The following AKR1B1 variants were observed in gnomAD, a reference collection of about 807,000 sequenced individuals.
AKR1B1 encodes aldo-keto reductase family 1 member B, also known as aldo-keto reductase family 1 member B1.
Under a neutral mutation model 40.4 loss-of-function variants are expected in AKR1B1, and 22 were observed. The observed-to-expected ratio is 0.54, with a 90% CI of 0.39 to 0.78. The LOEUF (loss-of-function observed/expected upper bound fraction) is 0.78. AKR1B1 is among the 30% of genes least tolerant of loss of function. The pLI is 0.00. For missense variants in AKR1B1, 357 were observed against 396.7 expected (o/e 0.90, Z 0.85); for synonymous variants, 157 against 149.9 (o/e 1.05, Z -0.35).
intron 7 of AKR1B1, 84 bp downstream of exon 7, chr7:134,447,896 T>A: frequency 8.4e-7 from 1 of 1,194,590 alleles, no homozygotes; most frequent in Non-Finnish European, 1.2e-6. Flanking sequence ...TGTAACAGGC[T>A]CAGTCACTTC....
At chr7:134,447,535 G>C (rs970869279) in intron 7 of AKR1B1, 154 bp from the exon 8 acceptor site, 1 of 717,918 alleles carries the variant, frequency 1.4e-6, no homozygotes, top group East Asian at 2.7e-5. Flanking sequence ...GCTAGCAACA[G>C]GTAGGCGACG....
chr7:134,454,175 T>C (rs571445003), intron 1 of AKR1B1, among the ~76,000 whole-genome samples: 1 of 152,354 alleles, frequency 6.6e-6, no homozygotes, highest in Non-Finnish European at 1.5e-5. Context: ...CACTAATCTG[T>C]GTGCCCTTGA....
chr7:134,458,996 C>T lies in AKR1B1; in HGVS notation c.66+1G>A. On this transcript the variant is annotated splice_donor_variant, in intron 1 of 9. Transcript: ENST00000285930. LOFTEE classifies it high-confidence loss of function. The stretch of plus-strand genomic sequence containing the variant: ...GGGCCCGCGCCCCCACGAGCACCTA[C>T]CTTCCAGGTACCCAACCCCAGGATG... 1 of 1,607,040 alleles carries T rather than the reference C, an allele frequency of 6.2e-7. No individual in the cohort carries two copies. Among genetic ancestry groups the T allele is most frequent in the Non-Finnish European group, 8.5e-7 (1 of 1,177,368 alleles).
At position 134,459,085 on chromosome 7, in the gene AKR1B1, C is replaced by T. The variant is rs780797539; in HGVS notation, c.-23G>A. On this transcript the variant is annotated 5_prime_UTR_variant, in exon 1 of 10. Coordinates refer to ENST00000285930, the MANE Select transcript of AKR1B1 (RefSeq NM_001628.4). ...CATGGCTGCTGCGCTCCCCAGACCC[C>T]CGCCCAGTACGGTGCGGCCTTGGCC... is the stretch of plus-strand genomic sequence containing the variant. The T allele has an allele frequency of 2.6e-5, 42 of 1,594,328 alleles. No individual in the cohort carries two copies. Among genetic ancestry groups the T allele is most frequent in the Non-Finnish European group, 3.5e-5 (41 of 1,171,380 alleles).
In AKR1B1 at chr7:134,447,855, TGAG is replaced by T. The variant is rs1460826712; in HGVS notation, c.741+122_741+124del. On this transcript the variant is annotated intron_variant, in intron 7 of 9. Transcript: ENST00000285930. ...ATCTGTGCCCTTTCCACTCTGTACTTGAGGACCCCTAACCATACTTCCTGTGAG... is the reference window on the plus strand; with the variant it reads ...ATCTGTGCCCTTTCCACTCTGTACTTGACCCCTAACCATACTTCCTGTGAG... 4.7e-6 allele frequency: 4 copies of T among 852,842 alleles called. No homozygotes were observed. The East Asian group carries it at 1.1e-4, about 23-fold the overall frequency. The allele number at this position is 852,842 out of a possible 1,614,324, so 52.8% of individuals were successfully genotyped here.
chr7:134,444,662 G>C (rs1332876254), intron 9 of AKR1B1: 1 of 161,578 alleles, frequency 6.2e-6, no homozygotes, highest in African/African-American at 2.4e-5. Context: ...GGTAGGAAAA[G>C]AGAAAACCCC....
rs200955767 is a variant in AKR1B1 at position 134,450,814 on chromosome 7, T to C, written c.323A>G (p.Tyr108Cys). 1.2e-6 allele frequency: 2 copies of C among 1,614,074 alleles called. No individual in the cohort carries two copies. Among genetic ancestry groups the C allele is most frequent in the Admixed American group, 1.7e-5 (1 of 60,010 alleles). The change falls in exon 3 of 10, where the codon TAC becomes TGC. Residue 108 changes from tyrosine to cysteine, a missense_variant. By Grantham distance (194) the Tyr-to-Cys change is radical (BLOSUM62 -2). Coordinates refer to ENST00000285930, the MANE Select transcript of AKR1B1 (RefSeq NM_001628.4). ...SDLKLDYLDL[Y>C]LIHWPTGFKP... ...AAAGCCAGTCGGCCAGTGAATAAGG[T>C]AGAGGTCCAGGTAGTCCAGCTTCAG...
Position 134,451,580 on chromosome 7 carries a change from C to T in AKR1B1, c.234+6G>A, listed in dbSNP as rs757943324. On this transcript the variant is annotated splice_donor_region_variant and intron_variant, in intron 2 of 9. Coordinates refer to ENST00000285930, the MANE Select transcript of AKR1B1 (RefSeq NM_001628.4). ...AGCCCCTTCCAGCCCCACCGCGGAA[C>T]GATACCTTGCTGACGATGAAGAGCT... The T allele has an allele frequency of 1.8e-5, 29 of 1,613,634 alleles. No homozygotes were observed. Among genetic ancestry groups the T allele is most frequent in the African/African-American group, 2.7e-5 (2 of 74,908 alleles).
chr7:134,449,703 A>G lies in AKR1B1; in HGVS notation c.429+17T>C. 6.2e-7 allele frequency: 1 copy of G among 1,610,288 alleles called. No individual in the cohort carries two copies. The highest frequency in any genetic ancestry group is 8.5e-7 in the Non-Finnish European group (1 of 1,176,418). On this transcript the variant is annotated intron_variant, in intron 4 of 9. Transcript: ENST00000285930. Reference sequence around the variant, plus strand: ...GAACCAGTCACGAAAACAAGGTCCAACCAGGGGCTGTCTTACCGCCCACGT... The same window carrying G: ...GAACCAGTCACGAAAACAAGGTCCAGCCAGGGGCTGTCTTACCGCCCACGT...
At chr7:134,458,922 C>G in intron 1 of AKR1B1, 75 bp downstream of exon 1, 1 of 1,500,410 alleles carries the variant, frequency 6.7e-7, no homozygotes, top group Non-Finnish European at 9.1e-7. Flanking sequence ...CAGGGTCACT[C>G]GGGGTCCCTC....
At chr7:134,442,941 A>C (rs1805983264) in intron 9 of AKR1B1, among the ~76,000 whole-genome samples, 171 bp from the exon 10 acceptor site, 1 of 152,004 alleles carries the variant, frequency 6.6e-6, no homozygotes, top group Non-Finnish European at 1.5e-5. Context: ...GAAGCAACTC[A>C]CCCTCCAGAC....
chr7:134,451,988 G>A (rs890755262), intron 1 of AKR1B1, among the ~76,000 whole-genome samples: 16 of 152,216 alleles, frequency 1.1e-4, no homozygotes, highest in Non-Finnish European at 1.8e-4. Context: ...AAGTGTAGGT[G>A]AGATCACTTT....
Position 134,449,519 on chromosome 7 carries a change from G to A in AKR1B1, c.429+201C>T, listed in dbSNP as rs180712582. ...GGAGAATGGCGTGAACCCAGGAGGT[G>A]GAGCTTGCAGTGAGCCGAGATTGTG... On this transcript the variant is annotated intron_variant, in intron 4 of 9. Transcript: ENST00000285930. 1.7e-3 allele frequency: 1,004 copies of A among 608,462 alleles called. 7 individuals carry two copies. Among genetic ancestry groups the A allele is most frequent in the African/African-American group, 0.016 (884 of 53,984 alleles). 37.7% of individuals were successfully genotyped at this position (608,462 alleles called of 1,614,324 possible). A position where few individuals can be genotyped will look rare whatever the true frequency, so the allele number is the denominator to read the frequency against.
intron 7 of AKR1B1, 56 bp from the exon 8 acceptor site, chr7:134,447,437 ATC>A: frequency 6.9e-7 from 1 of 1,448,748 alleles, no homozygotes; most frequent in Non-Finnish European, 9.7e-7. Flanking sequence ...CGCACCCATC[ATC>A]TCAGTCTCTC....
At chr7:134,458,930 C>T in intron 1 of AKR1B1, 67 bp downstream of exon 1, 2 of 1,535,456 alleles carry the variant, frequency 1.3e-6, no homozygotes, top group South Asian at 1.2e-5. Flanking sequence ...CTCGGGGTCC[C>T]TCGCCAATAC....
intron 8 of AKR1B1, among the ~76,000 whole-genome samples, chr7:134,445,687 G>A (rs1283384951): frequency 6.6e-6 from 1 of 152,198 alleles, no homozygotes. Context: ...TTCTACAACT[G>A]TAATACAAAT....
In AKR1B1 at chr7:134,445,247, G is replaced by C. The variant is rs755184764; in HGVS notation, c.899C>G (p.Ala300Gly). Residue 300 changes from alanine to glycine, a missense_variant, in exon 9 of 10, where the codon GCC (alanine) becomes GGC (glycine). Coordinates refer to ENST00000285930, the MANE Select transcript of AKR1B1 (RefSeq NM_001628.4). ...ACTGGGGCTCACTCACCTCAACAAG[G>C]CACAGACCCTCCAGTTCCTGTTGTA... The part of the protein sequence containing the change: ...LSYNRNWRVC[A>G]LLSCTSHKDY... 1 of 1,611,374 alleles carries C rather than the reference G, an allele frequency of 6.2e-7. No homozygotes were observed. Among genetic ancestry groups the C allele is most frequent in the South Asian group, 1.1e-5 (1 of 90,432 alleles).
intron 1 of AKR1B1, among the ~76,000 whole-genome samples, chr7:134,452,517 C>T (rs531839800): frequency 3.9e-5 from 6 of 152,214 alleles, no homozygotes; most frequent in African/African-American, 1.4e-4. Context: ...ACCTGACCAT[C>T]TGAGTAACCA....
chr7:134,445,861 T>C (rs747395770), intron 8 of AKR1B1, among the ~76,000 whole-genome samples: 1 of 152,174 alleles, frequency 6.6e-6, no homozygotes, highest in African/African-American at 2.4e-5. Flanking sequence ...AAAGGTATAC[T>C]GGGAGAAGAG....
Sources: allele counts gnomAD v4.1 joint callset (sites outside exome capture counted in the v4.1 genomes callset), GRCh38; gene constraint gnomAD v4.1.1; transcripts MANE v1.5; gene names NCBI Gene and HGNC (gene_info 2026-07-23, HGNC 2026-07-21).